The following PSD2 variants were observed in gnomAD, a reference collection of about 807,000 sequenced individuals.
PSD2 encodes pleckstrin and Sec7 domain containing 2, also known as PH and SEC7 domain-containing protein 2.
A neutral mutation model predicts 69.8 loss-of-function variants in PSD2; 38 were observed. The ratio of observed to expected loss-of-function variants is 0.54; its 90% CI spans 0.42 to 0.71. The LOEUF is 0.71. Ranked by LOEUF, PSD2 falls within the 30% of genes least tolerant of loss-of-function variation. The pLI is 0.00. For missense variants in PSD2, 943 were observed against 1,014.5 expected, an observed-to-expected ratio of 0.93 and a Z score of 0.96; for synonymous variants, 412 against 423.0, an observed-to-expected ratio of 0.97 and a Z score of 0.32.
chr5:139,839,393 A>G lies in PSD2; in HGVS notation c.1968+621A>G, dbSNP rs1760815614. 6.6e-6 allele frequency among the ~76,000 whole-genome samples: 1 copy of G among 152,180 alleles called. No homozygotes were observed. Among genetic ancestry groups the G allele is most frequent in the African/African-American group, 2.4e-5 (1 of 41,452 alleles). ...AACCTTTGTGCAATGCACGTACACC[A>G]TGTATGTGCACAAACCATACACATT... On this transcript the variant is annotated intron_variant, in intron 13 of 14. Transcript: ENST00000274710. This position sits in a 1 kb window ranked among gnomAD's most constrained non-coding sequence, Gnocchi z 5.1.
chr5:139,795,567 T>TC (rs569388027), upstream of PSD2, among the ~76,000 whole-genome samples: 228 of 151,364 alleles, frequency 1.5e-3, 1 homozygote, highest in African/African-American at 5.3e-3. This position sits in a 1 kb window ranked among gnomAD's most constrained non-coding sequence, Gnocchi z 4.5. Context: ...GGCGCTCCCC[T>TC]CCCCCCCTTT....
the PSD2 span, among the ~76,000 whole-genome samples, chr5:139,764,210 T>G: frequency 6.6e-6 from 1 of 152,022 alleles, no homozygotes; most frequent in Non-Finnish European, 1.5e-5. Context: ...GGCTGCGAGA[T>G]GGGGAGGGAG....
chr5:139,802,814 G>A (rs577609783), intron 1 of PSD2, among the ~76,000 whole-genome samples: 1 of 152,294 alleles, frequency 6.6e-6, no homozygotes. Context: ...GTTGGGGAGA[G>A]AAGCAAGCTG....
Position 139,813,768 on chromosome 5 carries a change from G to T in PSD2, c.821+10G>T. The T allele has an allele frequency of 6.3e-7, 1 of 1,587,174 alleles. No individual in the cohort carries two copies. The stretch of plus-strand genomic sequence containing the variant: ...TGCTGAACTCAGCCAGGTGAGGCAG[G>T]GCCCAGGCTGGGAGAACCACCGAGC... On this transcript the variant is annotated intron_variant, in intron 3 of 14. Coordinates refer to ENST00000274710, the MANE Select transcript of PSD2 (RefSeq NM_032289.4).
At chr5:139,756,234 C>G in the PSD2 span, among the ~76,000 whole-genome samples, 3 of 152,240 alleles carry the variant, frequency 2.0e-5, no homozygotes, top group Admixed American at 6.5e-5. Flanking sequence ...CTGCGCCCCC[C>G]CTTTCATGTC....
the PSD2 span, among the ~76,000 whole-genome samples, chr5:139,750,604 C>T: frequency 2.0e-5 from 3 of 152,204 alleles, no homozygotes; most frequent in African/African-American, 7.2e-5. Flanking sequence ...AGGTTCAGCA[C>T]AAAGCTAGGT....
upstream of PSD2, among the ~76,000 whole-genome samples, chr5:139,792,207 C>A (rs1376793175): frequency 6.6e-6 from 1 of 152,108 alleles, no homozygotes; most frequent in Non-Finnish European, 1.5e-5. Context: ...AAGCTGTGAA[C>A]ACAGTAGGTG....
upstream of PSD2, among the ~76,000 whole-genome samples, chr5:139,790,914 G>A (rs111360835): frequency 0.043 from 6,600 of 151,874 alleles, 206 homozygotes; most frequent in East Asian, 0.092. Context: ...GTGGTTGGGT[G>A]GGGGGGAGCG....
At chr5:139,822,115 G>C in intron 6 of PSD2, 110 bp downstream of exon 6, 1 of 631,380 alleles carries the variant, frequency 1.6e-6, no homozygotes, top group East Asian at 2.8e-5. Context: ...AGGCCCAGAT[G>C]GTTTGTCCTC....
At chr5:139,835,942 T>G (rs1760706100) in intron 9 of PSD2, among the ~76,000 whole-genome samples, 176 bp downstream of exon 9, 1 of 152,220 alleles carries the variant, frequency 6.6e-6, no homozygotes, top group Non-Finnish European at 1.5e-5. Context: ...TTGGATTCAT[T>G]TTCTGTATTG....
intron 5 of PSD2, among the ~76,000 whole-genome samples, chr5:139,820,068 C>T (rs983004408): frequency 6.6e-6 from 1 of 152,048 alleles, no homozygotes; most frequent in African/African-American, 2.4e-5. Flanking sequence ...GGGGAAAGGT[C>T]GGTGTGAGAG....
Position 139,816,978 on chromosome 5 carries a change from C to G in PSD2, c.1017-503C>G, listed in dbSNP as rs180777689. Among the ~76,000 whole-genome samples the G allele has an allele frequency of 3.8e-4, 58 of 152,316 alleles. 3 individuals carry two copies. The East Asian group carries it at 0.011, about 28-fold the overall frequency. ...TTCTGCCCCCTAAATTTCTCTTTTC[C>G]CCATCCCTTCTATCTCTATCTGGAC... On this transcript the variant is annotated intron_variant, in intron 4 of 14. Transcript: ENST00000274710.
chr5:139,761,641 C>G, the PSD2 span, among the ~76,000 whole-genome samples: 1 of 152,224 alleles, frequency 6.6e-6, no homozygotes, highest in Non-Finnish European at 1.5e-5. Flanking sequence ...TGGCTTAGAT[C>G]AGCACCCCCT....
At position 139,818,112 on chromosome 5, in the gene PSD2, G is replaced by T. The variant is rs528898817; in HGVS notation, c.1097+551G>T. Among the ~76,000 whole-genome samples the T allele has an allele frequency of 1.1e-4, 17 of 152,268 alleles. No homozygotes were observed. The South Asian group carries it at 3.5e-3, about 32-fold the overall frequency. ...GGTGCAGCCCTGTAGTATCTAGCAG[G>T]CTCTGGTGGCAGGGGCCAGCTGGGC... On this transcript the variant is annotated intron_variant, in intron 5 of 14. Transcript: ENST00000274710.
the PSD2 span, among the ~76,000 whole-genome samples, chr5:139,783,503 T>G: frequency 3.9e-5 from 6 of 152,198 alleles, no homozygotes; most frequent in African/African-American, 1.4e-4. Context: ...AGGCTGATGT[T>G]CCATTGTATG....
In PSD2 at chr5:139,817,503, G is replaced by C. The variant is rs1760150242; in HGVS notation, c.1039G>C (p.Ala347Pro). The C allele has an allele frequency of 6.2e-7, 1 of 1,614,146 alleles. No individual in the cohort carries two copies. Among genetic ancestry groups the C allele is most frequent in the Non-Finnish European group, 8.5e-7 (1 of 1,180,004 alleles). ...CAGCAACGAGTTTAGCAGGCTGGTGGCCGGGGAGTACCTCAGTTTCTTCGA... is the reference window on the plus strand; with the variant it reads ...CAGCAACGAGTTTAGCAGGCTGGTGCCCGGGGAGTACCTCAGTTTCTTCGA... ...GKNNEFSRLV[A>P]GEYLSFFDFS... The change falls in exon 5 of 15, where the codon GCC (alanine) becomes CCC (proline). Residue 347 changes from alanine to proline, a missense_variant. Around this residue, in one of 3 missense-constraint regions of PSD2, gnomAD observed 312 missense variants for 400.7 expected, o/e 0.78. Transcript: ENST00000274710.
chr5:139,761,857 G>T, the PSD2 span, among the ~76,000 whole-genome samples: 1 of 152,144 alleles, frequency 6.6e-6, no homozygotes, highest in African/African-American at 2.4e-5. Flanking sequence ...CACCCTGCCT[G>T]CCTTTTAAGG....
chr5:139,798,086 T>A (rs1355951355), intron 1 of PSD2, among the ~76,000 whole-genome samples: 1 of 152,222 alleles, frequency 6.6e-6, no homozygotes, highest in Non-Finnish European at 1.5e-5. Context: ...CAGGAAAATC[T>A]GTTTTGAGCG....
the PSD2 span, among the ~76,000 whole-genome samples, chr5:139,758,063 A>C: frequency 1.3e-5 from 2 of 152,136 alleles, no homozygotes; most frequent in Non-Finnish European, 1.5e-5. Flanking sequence ...GAAACGAAAC[A>C]AAAAAACCAA....
Sources: gnomAD v4.1 joint callset for allele counts (sites outside exome capture counted in the v4.1 genomes callset) on GRCh38, gnomAD v4.1.1 for gene constraint, gnomAD v4.1.1 regional missense constraint, Gnocchi (gnomAD v3.1) non-coding constraint, MANE v1.5 for transcripts, NCBI Gene and HGNC (gene_info 2026-07-23, HGNC 2026-07-21) for gene names.